KDM4C: variants seen among roughly 807,000 people sequenced by gnomAD.
The protein encoded by KDM4C is lysine-specific demethylase 4C.
In KDM4C, 81 loss-of-function variants were observed where a neutral mutation model predicts 129.3. The observed-to-expected ratio is 0.63, with a 90% CI of 0.52 to 0.75. KDM4C has a LOEUF of 0.75. Ranked by LOEUF, KDM4C falls within the 30% of genes least tolerant of loss-of-function variation. The pLI, the probability that KDM4C is intolerant of heterozygous loss-of-function variation, is 0.00. For missense variants in KDM4C, 1,457 were observed against 1,304.0 expected, an observed-to-expected ratio of 1.12 and a Z score of -1.81; for synonymous variants, 573 against 456.1, an observed-to-expected ratio of 1.26 and a Z score of -3.26.
intron 2 of KDM4C, among the ~76,000 whole-genome samples, chr9:6,805,174 C>G (rs991231969): frequency 4.6e-5 from 7 of 152,304 alleles, no homozygotes; most frequent in Non-Finnish European, 1.0e-4. Context: ...GCTGGAATTA[C>G]AGGTGTGTGC....
intron 17 of KDM4C, among the ~76,000 whole-genome samples, chr9:7,078,516 T>C (rs1402838159): frequency 1.3e-5 from 2 of 152,192 alleles, no homozygotes. Flanking sequence ...TTAATGGTTC[T>C]CTTCAACATG....
At chr9:6,788,403 C>T (rs754425831) in intron 1 of KDM4C, among the ~76,000 whole-genome samples, 1 of 152,198 alleles carries the variant, frequency 6.6e-6, no homozygotes, top group Non-Finnish European at 1.5e-5. Flanking sequence ...ATGAACACTG[C>T]CTTCTGTGTA....
chr9:6,892,586 G>A (rs1322615525), intron 7 of KDM4C, among the ~76,000 whole-genome samples: 1 of 152,048 alleles, frequency 6.6e-6, no homozygotes, highest in African/African-American at 2.4e-5. Flanking sequence ...GTGCTTAATT[G>A]AATGTTTTCT....
chr9:6,958,448 A>G (rs1385350180), intron 8 of KDM4C, among the ~76,000 whole-genome samples: 2 of 151,996 alleles, frequency 1.3e-5, no homozygotes, highest in African/African-American at 4.8e-5. Flanking sequence ...TTAGCTGGGC[A>G]TGGTGGCATG....
intron 8 of KDM4C, among the ~76,000 whole-genome samples, chr9:6,907,082 T>A (rs1818451827): frequency 6.6e-6 from 1 of 152,196 alleles, no homozygotes; most frequent in African/African-American, 2.4e-5. Flanking sequence ...AAGGATTGAC[T>A]CAATAGATTT....
chr9:6,924,880 G>A (rs868832545), intron 8 of KDM4C: 8 of 984,242 alleles, frequency 8.1e-6, no homozygotes, highest in African/African-American at 1.7e-5. Context: ...ATGAATATTT[G>A]GGGTGGTGGA....
In KDM4C at chr9:7,125,795, G is replaced by T. The variant is rs146180461; in HGVS notation, c.2611-2271G>T. 1.1e-4 allele frequency among the ~76,000 whole-genome samples: 16 copies of T among 152,264 alleles called. 1 individual carries two copies. The East Asian group carries it at 2.9e-3, about 28-fold the overall frequency. On this transcript the variant is annotated intron_variant, in intron 18 of 21. Coordinates refer to ENST00000381309, the MANE Select transcript of KDM4C (RefSeq NM_015061.6). ...TTTTGGTCCCTTGGGGATTATGAAG[G>T]CCTGGACCTTCCCATGAGCTTGGTT...
chr9:6,899,010 T>C (rs1816906198), intron 8 of KDM4C, among the ~76,000 whole-genome samples: 1 of 152,056 alleles, frequency 6.6e-6, no homozygotes, highest in African/African-American at 2.4e-5. Context: ...GTGTCTGACA[T>C]GACATATATA....
intron 5 of KDM4C, among the ~76,000 whole-genome samples, chr9:6,877,973 A>G (rs1167186631): frequency 1.3e-5 from 2 of 152,242 alleles, no homozygotes; most frequent in African/African-American, 4.8e-5. Context: ...ATACTGTGTA[A>G]CAAAGCATAG....
At chr9:6,909,961 TA>T (rs1342792234) in intron 8 of KDM4C, among the ~76,000 whole-genome samples, 1 of 152,288 alleles carries the variant, frequency 6.6e-6, no homozygotes, top group East Asian at 1.9e-4. Context: ...AAGTATATGA[TA>T]GGTAGTGGGT....
At chr9:6,805,953 A>C (rs1829889647) in intron 3 of KDM4C, among the ~76,000 whole-genome samples, 179 bp downstream of exon 3, 1 of 152,182 alleles carries the variant, frequency 6.6e-6, no homozygotes, top group African/African-American at 2.4e-5. Context: ...ATTTGACTTA[A>C]AGAAATTGCT....
At chr9:6,811,905 T>G (rs1457384093) in intron 3 of KDM4C, among the ~76,000 whole-genome samples, 3 of 152,106 alleles carry the variant, frequency 2.0e-5, no homozygotes, top group African/African-American at 7.2e-5. Flanking sequence ...TTACACTGGA[T>G]TTGTGGAATA....
At chr9:6,827,766 G>A (rs1017699690) in intron 4 of KDM4C, among the ~76,000 whole-genome samples, 1 of 152,226 alleles carries the variant, frequency 6.6e-6, no homozygotes. Flanking sequence ...TTTTGACGCA[G>A]AGAGAGAGCT....
At chr9:7,050,940 G>A (rs953760646) in intron 17 of KDM4C, among the ~76,000 whole-genome samples, 18 of 152,152 alleles carry the variant, frequency 1.2e-4, no homozygotes, top group Non-Finnish European at 2.5e-4. Flanking sequence ...CATCTTGATA[G>A]TGCATATCAC....
chr9:6,791,311 C>T (rs775880967), intron 1 of KDM4C, among the ~76,000 whole-genome samples: 4 of 152,160 alleles, frequency 2.6e-5, no homozygotes, highest in Non-Finnish European at 5.9e-5. Flanking sequence ...TGGCGTTTTA[C>T]CGTGTTGCCC....
chr9:7,006,506 T>A (rs1350182867), intron 12 of KDM4C, among the ~76,000 whole-genome samples: 1 of 152,060 alleles, frequency 6.6e-6, no homozygotes, highest in African/African-American at 2.4e-5. Context: ...GTGATTTGAA[T>A]GGCAAGCAGG....
intron 17 of KDM4C, among the ~76,000 whole-genome samples, chr9:7,086,967 C>T (rs747720157): frequency 6.6e-6 from 1 of 152,198 alleles, no homozygotes; most frequent in Non-Finnish European, 1.5e-5. Flanking sequence ...CACCGTTGTA[C>T]TCTGCCCTGT....
At chr9:6,899,058 AT>A (rs574460841) in intron 8 of KDM4C, among the ~76,000 whole-genome samples, 3,319 of 140,280 alleles carry the variant, frequency 0.024, 61 homozygotes, top group African/African-American at 0.059. Flanking sequence ...TATGTTCTGC[AT>A]TTTTTTTTTT....
At chr9:7,073,846 G>C (rs1385958675) in intron 17 of KDM4C, among the ~76,000 whole-genome samples, 4 of 152,162 alleles carry the variant, frequency 2.6e-5, no homozygotes, top group Admixed American at 2.0e-4. Flanking sequence ...CAGTTGGTCT[G>C]TCAGAGACAG....
Sources: gnomAD v4.1 joint callset for allele counts (sites outside exome capture counted in the v4.1 genomes callset) on GRCh38, gnomAD v4.1.1 for gene constraint, MANE v1.5 for transcripts, NCBI Gene and HGNC (gene_info 2026-07-23, HGNC 2026-07-21) for gene names.